Variants in CDH23 observed in about 807,000 individuals in gnomAD.
CDH23 encodes the protein cadherin-23.
CDH23 carries 189 observed loss-of-function variants against 317.1 expected under a neutral mutation model. That is an observed-to-expected ratio of 0.60 (90% CI 0.53 to 0.67). The LOEUF is 0.67. Among genes scored for constraint, CDH23 ranks in the 30% least tolerant of loss-of-function variants. The pLI is 0.00. For synonymous variants in CDH23, 1,839 were observed against 1,876.8 expected (o/e 0.98, Z 0.52); for missense variants, 4,401 against 4,592.4 (o/e 0.96, Z 1.20).
intron 14 of CDH23, among the ~76,000 whole-genome samples, chr10:71,649,054 G>A (rs1464063947): frequency 6.6e-6 from 1 of 152,180 alleles, no homozygotes; most frequent in Non-Finnish European, 1.5e-5. Flanking sequence ...TGACTAAACT[G>A]GAATTCTGTT....
At chr10:71,693,864 C>A (rs1465766166) in intron 20 of CDH23, among the ~76,000 whole-genome samples, 3 of 152,200 alleles carry the variant, frequency 2.0e-5, no homozygotes, top group Non-Finnish European at 2.9e-5. Flanking sequence ...CAGCCCCTAA[C>A]CCCGAGAATC....
chr10:71,432,631 C>A (rs1849448768), intron 1 of CDH23, among the ~76,000 whole-genome samples: 1 of 152,122 alleles, frequency 6.6e-6, no homozygotes, highest in African/African-American at 2.4e-5. Flanking sequence ...GGGCCAAGTG[C>A]CAGCCTTGGG....
Position 71,438,347 on chromosome 10 carries a change from C to CA in CDH23, c.-5-1462dup, listed in dbSNP as rs10596696. Among the ~76,000 whole-genome samples the CA allele has an allele frequency of 8.5e-3, 837 of 98,342 alleles. 15 individuals carry two copies. Among genetic ancestry groups the CA allele is most frequent in the South Asian group, 0.069 (212 of 3,084 alleles). The allele number at this position is 98,342 out of a possible 152,430, so 64.5% of individuals were successfully genotyped here. A position where few individuals can be genotyped will look rare whatever the true frequency, so the allele number is the denominator to read the frequency against. ...TGACAGAGTGAGATTCTGTCTCAAA[C>CA]AAAAAAAAAAAAAAAAAAGAAAGAA... On this transcript the variant is annotated intron_variant, in intron 1 of 69. Coordinates refer to ENST00000224721, the MANE Select transcript of CDH23 (RefSeq NM_022124.6).
chr10:71,767,887 G>A (rs1454711029), intron 38 of CDH23, among the ~76,000 whole-genome samples: 10 of 152,158 alleles, frequency 6.6e-5, no homozygotes, highest in South Asian at 6.2e-4. Context: ...CCGTGCATCC[G>A]GGGCTGGAGC....
Position 71,570,840 on chromosome 10 carries a change from C to A in CDH23, c.675C>A (p.Ile225=). 1 of 1,614,018 alleles carries A rather than the reference C, an allele frequency of 6.2e-7. No homozygotes were observed. The highest frequency in any genetic ancestry group is 8.5e-7 in the Non-Finnish European group (1 of 1,179,864). Residue 225 remains isoleucine, a synonymous_variant, in exon 8 of 70, where the codon ATC becomes ATA. Transcript: ENST00000224721. The stretch of plus-strand genomic sequence containing the variant: ...CCACCCTGGCCAACTTGGCCATCAT[C>A]ATCACAGATGTCCAGGACATGGACC... ...PLSTLANLAI[I]ITDVQDMDPI...
chr10:71,656,151 A>G (rs1232562466), intron 14 of CDH23, among the ~76,000 whole-genome samples: 1 of 152,166 alleles, frequency 6.6e-6, no homozygotes, highest in Non-Finnish European at 1.5e-5. Flanking sequence ...ACCAAGGCCA[A>G]GGGTAGGGAG....
intron 41 of CDH23, 30 bp from the exon 42 acceptor site, chr10:71,784,257 C>T: frequency 6.9e-6 from 11 of 1,601,768 alleles, no homozygotes; most frequent in Non-Finnish European, 8.5e-6. Flanking sequence ...CAATGCCCGA[C>T]TAACTTGGGC....
chr10:71,505,765 C>A (rs2132181639), intron 3 of CDH23, among the ~76,000 whole-genome samples: 1 of 152,338 alleles, frequency 6.6e-6, no homozygotes, highest in South Asian at 2.1e-4. Flanking sequence ...AAACACCAGG[C>A]CTCATCCATT....
intron 3 of CDH23, among the ~76,000 whole-genome samples, chr10:71,502,227 G>A (rs561152945): frequency 1.3e-4 from 20 of 152,348 alleles, no homozygotes; most frequent in Admixed American, 4.6e-4. Flanking sequence ...GCCCCTAGAT[G>A]GGGAAGGACA....
chr10:71,429,937 G>A (rs1017502690), intron 1 of CDH23, among the ~76,000 whole-genome samples: 7 of 152,204 alleles, frequency 4.6e-5, no homozygotes, highest in Non-Finnish European at 8.8e-5. Flanking sequence ...ATGTAGTAAG[G>A]ATGAGGACAA....
At chr10:71,684,832 G>C (rs975775440) in intron 18 of CDH23, among the ~76,000 whole-genome samples, 1 of 152,184 alleles carries the variant, frequency 6.6e-6, no homozygotes, top group Non-Finnish European at 1.5e-5. Context: ...AGGGAAATAA[G>C]TTAAGTGTTC....
At chr10:71,618,666 T>C (rs2132523390) in intron 11 of CDH23, among the ~76,000 whole-genome samples, 1 of 152,284 alleles carries the variant, frequency 6.6e-6, no homozygotes, top group Admixed American at 6.5e-5. Flanking sequence ...GAGCCCTCTC[T>C]ACTCTGGCTG....
intron 30 of CDH23, 87 bp downstream of exon 30, chr10:71,725,607 G>A (rs1399050378): frequency 1.7e-5 from 25 of 1,440,516 alleles, no homozygotes; most frequent in Non-Finnish European, 2.0e-5. Context: ...TTGGCGCCTG[G>A]TGTGGGCAGG....
At chr10:71,728,601 C>T (rs988761668) in intron 30 of CDH23, among the ~76,000 whole-genome samples, 1 of 152,176 alleles carries the variant, frequency 6.6e-6, no homozygotes, top group Non-Finnish European at 1.5e-5. Context: ...CATGCAGAGG[C>T]CCCTCCCTTA....
intron 41 of CDH23, among the ~76,000 whole-genome samples, chr10:71,779,718 C>T (rs1840905174): frequency 1.3e-5 from 2 of 152,338 alleles, no homozygotes; most frequent in Non-Finnish European, 2.9e-5. Context: ...TTAAAAAATG[C>T]CCTGTTGCAT....
At chr10:71,654,948 A>C (rs933389000) in intron 14 of CDH23, among the ~76,000 whole-genome samples, 1 of 152,144 alleles carries the variant, frequency 6.6e-6, no homozygotes, top group Non-Finnish European at 1.5e-5. Context: ...GAGGACGTAG[A>C]TCTCCCCAGC....
At chr10:71,574,995 C>A (rs1447006783) in intron 8 of CDH23, among the ~76,000 whole-genome samples, 1 of 151,754 alleles carries the variant, frequency 6.6e-6, no homozygotes, top group Non-Finnish European at 1.5e-5. Context: ...AATCCCTGAG[C>A]ACTCTGAGCC....
chr10:71,512,975 T>C (rs1854078855), intron 6 of CDH23, among the ~76,000 whole-genome samples: 1 of 152,196 alleles, frequency 6.6e-6, no homozygotes, highest in Non-Finnish European at 1.5e-5. Flanking sequence ...GTTCCCAGCT[T>C]GCTGAATGTG....
At chr10:71,416,679 T>A (rs1320412221) in intron 1 of CDH23, among the ~76,000 whole-genome samples, 1 of 152,174 alleles carries the variant, frequency 6.6e-6, no homozygotes, top group Admixed American at 6.5e-5. Context: ...TGCTTTTTAT[T>A]TTTAGAGACA....
Sources: allele counts gnomAD v4.1 joint callset (sites outside exome capture counted in the v4.1 genomes callset), GRCh38; gene constraint gnomAD v4.1.1; transcripts MANE v1.5; gene names NCBI Gene and HGNC (gene_info 2026-07-23, HGNC 2026-07-21).